FOXN3: variants seen among roughly 807,000 people sequenced by gnomAD.
FOXN3 encodes the protein forkhead box protein N3.
A neutral mutation model predicts 38.4 loss-of-function variants in FOXN3; 7 were observed. The ratio of observed to expected loss-of-function variants is 0.18; its 90% CI spans 0.10 to 0.34. The LOEUF (loss-of-function observed/expected upper bound fraction) is 0.34. Among genes scored for constraint, FOXN3 ranks in the 10% least tolerant of loss-of-function variants. The pLI, the probability that FOXN3 is intolerant of heterozygous loss-of-function variation, is 1.00. For synonymous variants in FOXN3, 230 were observed against 242.2 expected (o/e 0.95, Z 0.47); for missense variants, 456 against 613.4 (o/e 0.74, Z 2.71).
chr14:89,333,969 T>TAC (rs1173073944), intron 3 of FOXN3, among the ~76,000 whole-genome samples: 4 of 750 alleles, frequency 5.3e-3, no homozygotes, highest in African/African-American at 4.6e-3. Flanking sequence ...GTGGTGTGTA[T>TAC]ATATATATAT....
chr14:89,512,470 T>G (rs551270095), intron 1 of FOXN3, among the ~76,000 whole-genome samples: 1 of 151,978 alleles, frequency 6.6e-6, no homozygotes, highest in African/African-American at 2.4e-5. Flanking sequence ...GGGCAGAAAA[T>G]TGTGGGAAAG....
At chr14:89,224,824 C>T (rs1884580554) in intron 4 of FOXN3, among the ~76,000 whole-genome samples, 1 of 152,136 alleles carries the variant, frequency 6.6e-6, no homozygotes, top group Non-Finnish European at 1.5e-5. Context: ...CATAGCAAGA[C>T]CCTGTCTCTA....
chr14:89,383,611 T>C (rs1053352813), intron 2 of FOXN3, among the ~76,000 whole-genome samples: 1 of 152,196 alleles, frequency 6.6e-6, no homozygotes, highest in African/African-American at 2.4e-5. Flanking sequence ...TGGCACTCCC[T>C]GGCTCACCCC....
In FOXN3 at chr14:89,457,008, T is replaced by C. The variant is rs181234676; in HGVS notation, c.-14-44518A>G. On this transcript the variant is annotated intron_variant, in intron 1 of 6. Transcript: ENST00000345097. The stretch of plus-strand genomic sequence containing the variant: ...ATACACGGCAAATGGGAAGTAAATT[T>C]GTATCACCGTTATTAATGATTCAGA... Among the ~76,000 whole-genome samples the C allele has an allele frequency of 7.1e-4, 108 of 152,312 alleles. 1 individual carries two copies. Among genetic ancestry groups the C allele is most frequent in the African/African-American group, 2.4e-3 (101 of 41,552 alleles).
At chr14:89,274,173 C>T (rs756002461) in intron 4 of FOXN3, among the ~76,000 whole-genome samples, 4 of 151,934 alleles carry the variant, frequency 2.6e-5, no homozygotes, top group Non-Finnish European at 5.9e-5. Context: ...ATTCATTGGC[C>T]CTTACAGAGA....
chr14:89,395,819 G>C (rs558186632), intron 2 of FOXN3, among the ~76,000 whole-genome samples: 144 of 152,206 alleles, frequency 9.5e-4, no homozygotes, highest in Non-Finnish European at 1.8e-3. Context: ...AGGCTGGAGG[G>C]GGGGGAGTTT....
intron 1 of FOXN3, among the ~76,000 whole-genome samples, chr14:89,491,492 G>A (rs1263652502): frequency 2.0e-5 from 3 of 152,208 alleles, no homozygotes. Context: ...GTGCTTTCAA[G>A]TATGGTCAGG....
chr14:89,565,768 T>C (rs1293545862), intron 1 of FOXN3, among the ~76,000 whole-genome samples: 1 of 152,200 alleles, frequency 6.6e-6, no homozygotes, highest in African/African-American at 2.4e-5. Flanking sequence ...GGTGGTTGCA[T>C]TTGCCATATG....
At chr14:89,188,545 C>A (rs1188861574) in intron 4 of FOXN3, among the ~76,000 whole-genome samples, 3 of 152,208 alleles carry the variant, frequency 2.0e-5, no homozygotes, top group African/African-American at 7.2e-5. Context: ...AAAATGGGTA[C>A]TGCTCCGGTC....
intron 1 of FOXN3, among the ~76,000 whole-genome samples, chr14:89,471,178 G>T (rs761349634): frequency 5.3e-5 from 8 of 152,100 alleles, no homozygotes; most frequent in Non-Finnish European, 1.0e-4. Flanking sequence ...TTATATTTTT[G>T]AGCAAAAGAG....
Position 89,167,006 on chromosome 14 carries a change from C to T in FOXN3, c.852-4037G>A, listed in dbSNP as rs114217180. Among the ~76,000 whole-genome samples, 1,204 of 152,296 alleles carry T rather than the reference C, an allele frequency of 7.9e-3. 12 individuals are homozygous for T. Among genetic ancestry groups the T allele is most frequent in the African/African-American group, 0.028 (1,143 of 41,556 alleles). ...CATTAAAGTGAACATGTGATACATCCGAAATGCCTGCAATTTTTCAGTTTT... is the reference window on the plus strand; with the variant it reads ...CATTAAAGTGAACATGTGATACATCTGAAATGCCTGCAATTTTTCAGTTTT... On this transcript the variant is annotated intron_variant, in intron 5 of 5. Transcript: ENST00000557258.
rs112888860 is a variant in FOXN3 at position 89,380,538 on chromosome 14, A to G, written c.544-29730T>C. Among the ~76,000 whole-genome samples the G allele has an allele frequency of 4.2e-3, 635 of 152,298 alleles. 6 individuals carry two copies. Among genetic ancestry groups the G allele is most frequent in the African/African-American group, 0.014 (588 of 41,564 alleles). On this transcript the variant is annotated intron_variant, in intron 2 of 5. Transcript: ENST00000557258. ...ACAACTCAGAAAGACCTCCATGTTG[A>G]CCATGCAGTCCAGTGAGCCCGTACA... is the stretch of plus-strand genomic sequence containing the variant.
intron 4 of FOXN3, among the ~76,000 whole-genome samples, chr14:89,230,037 A>G (rs1199943528): frequency 6.6e-6 from 1 of 152,196 alleles, no homozygotes; most frequent in Non-Finnish European, 1.5e-5. Flanking sequence ...GAAAAAGGTA[A>G]GGCCCTCAAT....
chr14:89,505,440 G>A (rs2139795910), intron 1 of FOXN3, among the ~76,000 whole-genome samples: 1 of 152,270 alleles, frequency 6.6e-6, no homozygotes, highest in African/African-American at 2.4e-5. Context: ...ACGCCTGACT[G>A]GTTTTCGTAT....
At chr14:89,275,243 C>T (rs1042378300) in intron 4 of FOXN3, among the ~76,000 whole-genome samples, 1 of 152,204 alleles carries the variant, frequency 6.6e-6, no homozygotes, top group African/African-American at 2.4e-5. Flanking sequence ...TGGGTATCTT[C>T]AGCCAGCCTT....
At chr14:89,529,989 G>A (rs1436044283) in intron 1 of FOXN3, among the ~76,000 whole-genome samples, 1 of 150,470 alleles carries the variant, frequency 6.6e-6, no homozygotes, top group East Asian at 1.9e-4. Context: ...TGCCCAGGCT[G>A]CAGGGCAGTG....
chr14:89,511,141 TTTTC>T (rs1251992345), intron 1 of FOXN3, among the ~76,000 whole-genome samples: 1,794 of 20,966 alleles, frequency 0.086, 285 homozygotes, highest in African/African-American at 0.14. Context: ...TCTTTCTTTC[TTTTC>T]TTTCTTTCTT....
chr14:89,284,764 G>A (rs1432272166), intron 3 of FOXN3, among the ~76,000 whole-genome samples: 1 of 152,196 alleles, frequency 6.6e-6, no homozygotes, highest in Non-Finnish European at 1.5e-5. Context: ...CAGGTTAAGA[G>A]GACCTTGCCG....
intron 2 of FOXN3, among the ~76,000 whole-genome samples, chr14:89,360,321 A>T (rs1416263610): frequency 7.1e-6 from 1 of 140,218 alleles, no homozygotes; most frequent in Non-Finnish European, 1.6e-5. Flanking sequence ...AGGGGAAGAA[A>T]GAGAAGGAAA....
Sources: gnomAD v4.1 joint callset for allele counts (sites outside exome capture counted in the v4.1 genomes callset) on GRCh38, gnomAD v4.1.1 for gene constraint, MANE v1.5 for transcripts, NCBI Gene and HGNC (gene_info 2026-07-23, HGNC 2026-07-21) for gene names.